Variants in PRKN observed in about 807,000 individuals in gnomAD.
The protein encoded by PRKN is E3 ubiquitin-protein ligase parkin.
PRKN carries 56 observed loss-of-function variants against 59.5 expected under a neutral mutation model. The ratio of observed to expected loss-of-function variants is 0.94; its 90% CI spans 0.76 to 1.18. The LOEUF is 1.18. Among genes scored for constraint, PRKN ranks in the 50% most tolerant of loss-of-function variants. The pLI is 0.00. For synonymous variants in PRKN, 250 were observed against 222.1 expected (o/e 1.13, Z -1.12); for missense variants, 657 against 596.4 (o/e 1.10, Z -1.06).
chr6:162,395,839 T>C (rs1275128373), intron 2 of PRKN, among the ~76,000 whole-genome samples: 1 of 152,194 alleles, frequency 6.6e-6, no homozygotes, highest in Non-Finnish European at 1.5e-5. Context: ...AGCATACATA[T>C]AGGACTATTA....
At chr6:161,803,508 C>T (rs1222306169) in intron 6 of PRKN, among the ~76,000 whole-genome samples, 1 of 152,188 alleles carries the variant, frequency 6.6e-6, no homozygotes. Flanking sequence ...TAGCCACTGG[C>T]TTAAGGATGA....
intron 7 of PRKN, among the ~76,000 whole-genome samples, chr6:161,724,068 T>C (rs909832200): frequency 6.6e-6 from 1 of 152,204 alleles, no homozygotes; most frequent in Non-Finnish European, 1.5e-5. Context: ...CATTCAGTGA[T>C]GCTGGGGGAA....
At chr6:162,537,404 C>T (rs1012162207) in intron 1 of PRKN, among the ~76,000 whole-genome samples, 4 of 152,154 alleles carry the variant, frequency 2.6e-5, no homozygotes, top group Admixed American at 6.5e-5. Flanking sequence ...CAGGGGTTTC[C>T]GCATCACCTA....
intron 1 of PRKN, among the ~76,000 whole-genome samples, chr6:162,694,359 A>G (rs926906227): frequency 6.6e-6 from 1 of 152,272 alleles, no homozygotes; most frequent in African/African-American, 2.4e-5. Context: ...TAGCAGTGAT[A>G]ACTGTGGCAA....
chr6:161,420,178 C>T (rs1443534694), intron 9 of PRKN, among the ~76,000 whole-genome samples: 1 of 147,506 alleles, frequency 6.8e-6, no homozygotes, highest in African/African-American at 2.5e-5. Context: ...ACAGAGGTTG[C>T]AGTGAGCCGA....
chr6:162,301,960 T>C (rs1781980358), intron 2 of PRKN, among the ~76,000 whole-genome samples: 1 of 152,150 alleles, frequency 6.6e-6, no homozygotes, highest in Non-Finnish European at 1.5e-5. Context: ...GATATCCTGT[T>C]AGACTAAACT....
intron 7 of PRKN, among the ~76,000 whole-genome samples, chr6:161,607,504 T>A (rs1185716411): frequency 6.6e-6 from 1 of 152,070 alleles, no homozygotes; most frequent in Admixed American, 6.6e-5. Context: ...AAAAAATATT[T>A]GGAGAAAAAG....
At chr6:161,750,374 A>G (rs1182390431) in intron 7 of PRKN, among the ~76,000 whole-genome samples, 7 of 152,152 alleles carry the variant, frequency 4.6e-5, no homozygotes, top group Non-Finnish European at 1.0e-4. Flanking sequence ...TAATTGTTGA[A>G]ACTAATGTGT....
chr6:161,433,395 A>G (rs1214891396), intron 9 of PRKN, among the ~76,000 whole-genome samples: 1 of 151,892 alleles, frequency 6.6e-6, no homozygotes, highest in Non-Finnish European at 1.5e-5. Context: ...TTTACTACTA[A>G]TAATTAATTT....
At chr6:162,312,280 A>G (rs1313682000) in intron 2 of PRKN, among the ~76,000 whole-genome samples, 3 of 152,120 alleles carry the variant, frequency 2.0e-5, no homozygotes, top group Non-Finnish European at 2.9e-5. Flanking sequence ...AGTTCTTTCC[A>G]TAAGACTTGC....
chr6:161,922,652 A>C (rs890234433), intron 6 of PRKN, among the ~76,000 whole-genome samples: 4 of 152,202 alleles, frequency 2.6e-5, no homozygotes, highest in Non-Finnish European at 4.4e-5. Flanking sequence ...GTCAGCATTA[A>C]GTTGCCATTA....
At chr6:162,190,982 A>T (rs920761109) in intron 4 of PRKN, among the ~76,000 whole-genome samples, 7 of 152,194 alleles carry the variant, frequency 4.6e-5, no homozygotes, top group Non-Finnish European at 8.8e-5. Flanking sequence ...AGGTACATCT[A>T]TGTGTAGAAA....
chr6:162,154,649 C>T (rs1214900688), intron 4 of PRKN, among the ~76,000 whole-genome samples: 2 of 151,932 alleles, frequency 1.3e-5, no homozygotes, highest in South Asian at 2.1e-4. Context: ...CTAGTCACTA[C>T]CATTAAATTT....
chr6:162,182,817 A>AT (rs1783856087), intron 4 of PRKN, among the ~76,000 whole-genome samples: 1 of 152,154 alleles, frequency 6.6e-6, no homozygotes, highest in South Asian at 2.1e-4. Flanking sequence ...GCATATGCTC[A>AT]TTTTGTATCT....
intron 4 of PRKN, among the ~76,000 whole-genome samples, chr6:162,138,059 C>A (rs948337852): frequency 6.6e-6 from 1 of 151,718 alleles, no homozygotes; most frequent in South Asian, 2.1e-4. Flanking sequence ...AACCACAAAT[C>A]GAAGTTTAGG....
intron 5 of PRKN, among the ~76,000 whole-genome samples, chr6:162,040,900 A>C (rs75160047): frequency 0.054 from 8,200 of 151,896 alleles, 297 homozygotes; most frequent in Non-Finnish European, 0.079. Context: ...CAGGAGGGAA[A>C]GTCATGCAGC....
intron 5 of PRKN, among the ~76,000 whole-genome samples, chr6:161,976,203 C>T (rs1781025741): frequency 6.6e-6 from 1 of 152,164 alleles, no homozygotes. Flanking sequence ...CTGTGCCTGG[C>T]TGAGTGTGCC....
chr6:162,423,028 A>ATTC (rs1362673846), intron 2 of PRKN, among the ~76,000 whole-genome samples: 1 of 149,938 alleles, frequency 6.7e-6, no homozygotes, highest in African/African-American at 2.4e-5. Context: ...CGCTTTCTGG[A>ATTC]TTCTTTGCCT....
chr6:162,044,582 G>A (rs996699591), intron 5 of PRKN, among the ~76,000 whole-genome samples: 4 of 152,178 alleles, frequency 2.6e-5, no homozygotes, highest in Non-Finnish European at 5.9e-5. Flanking sequence ...CATGAGGACT[G>A]GATAGAGCTC....
Sources: gnomAD v4.1 joint callset for allele counts (sites outside exome capture counted in the v4.1 genomes callset) on GRCh38, gnomAD v4.1.1 for gene constraint, MANE v1.5 for transcripts, NCBI Gene and HGNC (gene_info 2026-07-23, HGNC 2026-07-21) for gene names.